FOXJ3: variants seen among roughly 807,000 people sequenced by gnomAD.
FOXJ3 encodes forkhead box J3.
A neutral mutation model predicts 76.1 loss-of-function variants in FOXJ3; 22 were observed. The ratio of observed to expected loss-of-function variants is 0.29; its 90% confidence interval spans 0.21 to 0.41. The LOEUF (loss-of-function observed/expected upper bound fraction) is 0.41, where lower values mean the gene tolerates loss of function less well. Ranked by LOEUF, FOXJ3 falls within the 10% of genes least tolerant of loss-of-function variation. The pLI is 1.00. For missense variants in FOXJ3, 613 were observed against 762.1 expected, an observed-to-expected ratio of 0.80 and a Z score of 2.30; for synonymous variants, 269 against 261.2, an observed-to-expected ratio of 1.03 and a Z score of -0.29.
At chr1:42,235,510 AG>A (rs2124494197) in intron 4 of FOXJ3, among the ~76,000 whole-genome samples, 1 of 152,020 alleles carries the variant, frequency 6.6e-6, no homozygotes, top group South Asian at 2.1e-4. Context: ...TAGGAGCTGT[AG>A]ACTGGAGCTG....
At chr1:42,260,311 T>A (rs1476168573) in intron 4 of FOXJ3, among the ~76,000 whole-genome samples, 1 of 152,164 alleles carries the variant, frequency 6.6e-6, no homozygotes, top group Non-Finnish European at 1.5e-5. Flanking sequence ...AACATAATAC[T>A]AATATAGCCC....
At chr1:42,252,424 G>T (rs1397355052) in intron 4 of FOXJ3, among the ~76,000 whole-genome samples, 1 of 152,100 alleles carries the variant, frequency 6.6e-6, no homozygotes, top group Non-Finnish European at 1.5e-5. Context: ...GGTGTTTGTA[G>T]TATTCTCTGA....
intron 4 of FOXJ3, among the ~76,000 whole-genome samples, chr1:42,249,344 T>C (rs192588398): frequency 6.6e-6 from 1 of 152,228 alleles, no homozygotes; most frequent in African/African-American, 2.4e-5. Flanking sequence ...ACCATGTTAG[T>C]CTGTGATACA....
At chr1:42,303,693 C>G (rs1654294598) in intron 2 of FOXJ3, among the ~76,000 whole-genome samples, 2 of 152,108 alleles carry the variant, frequency 1.3e-5, no homozygotes, top group South Asian at 4.1e-4. Context: ...GGGATAAATA[C>G]AGAAAAATGT....
At chr1:42,284,706 A>G (rs1431535809) in intron 2 of FOXJ3, among the ~76,000 whole-genome samples, 1 of 152,232 alleles carries the variant, frequency 6.6e-6, no homozygotes, top group Non-Finnish European at 1.5e-5. Flanking sequence ...TTGTTTCAGA[A>G]GGCCTCACGA....
chr1:42,309,001 C>CA (rs59583552), intron 2 of FOXJ3, among the ~76,000 whole-genome samples: 1,184 of 103,832 alleles, frequency 0.011, 38 homozygotes, highest in African/African-American at 0.032. Flanking sequence ...AGTCGTTTTA[C>CA]AAAAAAAAAA....
At chr1:42,313,852 T>G (rs776054974) in intron 1 of FOXJ3, among the ~76,000 whole-genome samples, 3 of 152,228 alleles carry the variant, frequency 2.0e-5, no homozygotes, top group Non-Finnish European at 4.4e-5. Context: ...GTTTTATGTG[T>G]GATTTACCTA....
At chr1:42,253,851 A>G (rs1395721798) in intron 4 of FOXJ3, among the ~76,000 whole-genome samples, 2 of 152,092 alleles carry the variant, frequency 1.3e-5, no homozygotes, top group Admixed American at 6.5e-5. Context: ...ACCTAAAACC[A>G]TAAAAACCCT....
intron 2 of FOXJ3, among the ~76,000 whole-genome samples, chr1:42,302,959 T>C (rs1654246727): frequency 6.6e-6 from 1 of 152,058 alleles, no homozygotes; most frequent in African/African-American, 2.4e-5. Flanking sequence ...TTATCAATTT[T>C]AAACAAGATT....
intron 5 of FOXJ3, among the ~76,000 whole-genome samples, chr1:42,206,271 G>T (rs1488624774): frequency 6.6e-6 from 1 of 152,202 alleles, no homozygotes; most frequent in Non-Finnish European, 1.5e-5. Context: ...TGTGACTACG[G>T]TGTGACCAAC....
At chr1:42,324,344 T>TAA (rs1157280683) in intron 1 of FOXJ3, among the ~76,000 whole-genome samples, 1 of 98,206 alleles carries the variant, frequency 1.0e-5, no homozygotes, top group African/African-American at 3.0e-5. Context: ...ATACACTATA[T>TAA]ACTATACATA....
chr1:42,179,758 C>A lies in FOXJ3; in HGVS notation c.1821G>T (p.Leu607=). The A allele has an allele frequency of 3.1e-6, 5 of 1,614,006 alleles. No homozygotes were observed. In the South Asian group the frequency reaches 5.5e-5, roughly 18 times the overall value. ...AGTCATCCTGGATGTCATCTGGAGG[C>A]AGGGAACGCCGCATCTGGAAGGCTT... ...PSQAFQMRRS[L]PPDDIQDDFD... The change falls in exon 13 of 13, where the codon CTG becomes CTT. Residue 607 remains leucine (L), a synonymous_variant. Coordinates refer to ENST00000361346, the MANE Select transcript of FOXJ3 (RefSeq NM_014947.5).
At chr1:42,293,627 G>A (rs938688949) in intron 2 of FOXJ3, among the ~76,000 whole-genome samples, 3 of 152,090 alleles carry the variant, frequency 2.0e-5, no homozygotes, top group African/African-American at 7.2e-5. Context: ...CATTTCATAT[G>A]GCTTCCAATC....
At chr1:42,231,941 T>G (rs545047745) in intron 4 of FOXJ3, among the ~76,000 whole-genome samples, 4 of 152,280 alleles carry the variant, frequency 2.6e-5, no homozygotes, top group African/African-American at 9.6e-5. Context: ...AATGCTATCC[T>G]TCCCCCCTAC....
In FOXJ3 at chr1:42,295,097, C is replaced by A. The variant is rs538127483; in HGVS notation, c.44+15953G>T. 2.6e-5 allele frequency among the ~76,000 whole-genome samples: 4 copies of A among 152,214 alleles called. No homozygotes were observed. The South Asian group carries it at 8.3e-4, about 32-fold the overall frequency. On this transcript the variant is annotated intron_variant, in intron 2 of 12. Transcript: ENST00000361346. ...ACTTTAGATTCAGGGGGTAAACATA[C>A]ATGTTTGTTACATGGGTATATTGCA...
At chr1:42,312,793 A>G (rs1654888342) in intron 1 of FOXJ3, among the ~76,000 whole-genome samples, 1 of 152,250 alleles carries the variant, frequency 6.6e-6, no homozygotes, top group Non-Finnish European at 1.5e-5. Flanking sequence ...AACAACGTTC[A>G]GATCTTAACC....
intron 4 of FOXJ3, among the ~76,000 whole-genome samples, chr1:42,231,218 C>T (rs917137602): frequency 1.6e-4 from 24 of 151,730 alleles, no homozygotes; most frequent in African/African-American, 4.8e-4. Context: ...CCCAGCTACT[C>T]GGGAGGCTGA....
At chr1:42,262,468 A>G (rs1433761035) in intron 4 of FOXJ3, among the ~76,000 whole-genome samples, 1 of 152,254 alleles carries the variant, frequency 6.6e-6, no homozygotes, top group Admixed American at 6.5e-5. Context: ...AATCAAAAAT[A>G]AAAATGACTT....
chr1:42,204,716 A>T (rs996912936), intron 6 of FOXJ3, among the ~76,000 whole-genome samples: 19 of 146,576 alleles, frequency 1.3e-4, no homozygotes, highest in African/African-American at 4.0e-4. Flanking sequence ...CCACCCCCCA[A>T]CTGCCCCATA....
Sources: allele counts gnomAD v4.1 joint callset (sites outside exome capture counted in the v4.1 genomes callset), GRCh38; gene constraint gnomAD v4.1.1; transcripts MANE v1.5; gene names NCBI Gene and HGNC (gene_info 2026-07-23, HGNC 2026-07-21).